The following SHANK2 variants were observed in gnomAD, a reference collection of about 807,000 sequenced individuals.
The protein encoded by SHANK2 is SH3 and multiple ankyrin repeat domains 2.
In SHANK2, 43 loss-of-function variants were observed where a neutral mutation model predicts 133.7. The observed-to-expected ratio is 0.32, with a 90% CI of 0.25 to 0.41. The LOEUF (loss-of-function observed/expected upper bound fraction) is 0.41, where lower values mean the gene tolerates loss of function less well. Ranked by LOEUF, SHANK2 falls within the 10% of genes least tolerant of loss-of-function variation. SHANK2 has a pLI of 1.00. For synonymous variants in SHANK2, 1,017 were observed against 952.8 expected (o/e 1.07, Z -1.24); for missense variants, 1,994 against 2,235.8 (o/e 0.89, Z 2.18).
chr11:70,869,883 G>A (rs1949431032), intron 11 of SHANK2, among the ~76,000 whole-genome samples: 1 of 152,138 alleles, frequency 6.6e-6, no homozygotes, highest in South Asian at 2.1e-4. Context: ...CACCAATTAT[G>A]TGAATGCCTC....
chr11:70,759,734 CAT>C (rs1267953503), intron 14 of SHANK2, among the ~76,000 whole-genome samples: 1 of 152,202 alleles, frequency 6.6e-6, no homozygotes, highest in Non-Finnish European at 1.5e-5. Context: ...TTCTGGCTGT[CAT>C]AGTGCTTTTC....
intron 12 of SHANK2, among the ~76,000 whole-genome samples, chr11:70,816,831 G>C (rs1590716581): frequency 2.0e-5 from 3 of 152,196 alleles, no homozygotes; most frequent in African/African-American, 7.2e-5. Context: ...GAAGCAGACA[G>C]CTCTAGCCAG....
intron 17 of SHANK2, among the ~76,000 whole-genome samples, chr11:70,563,818 G>C (rs1190040165): frequency 6.6e-6 from 1 of 152,134 alleles, no homozygotes; most frequent in African/African-American, 2.4e-5. Context: ...ATTCTTTATA[G>C]TGTACCTGCT....
chr11:71,214,000 G>A (rs1954345443), intron 2 of SHANK2, among the ~76,000 whole-genome samples: 1 of 152,006 alleles, frequency 6.6e-6, no homozygotes, highest in Non-Finnish European at 1.5e-5. Context: ...AACCACCCCT[G>A]CCCTAACGCG....
At chr11:70,644,130 G>C (rs942818276) in intron 17 of SHANK2, among the ~76,000 whole-genome samples, 19 of 152,136 alleles carry the variant, frequency 1.2e-4, no homozygotes, top group Admixed American at 5.2e-4. Context: ...AAAAAGTGAA[G>C]AACATTGCTT....
Position 70,486,464 on chromosome 11 carries a change from C to T in SHANK2, c.3829G>A (p.Glu1277Lys), listed in dbSNP as rs868919217. 1 of 1,614,154 alleles carries T rather than the reference C, an allele frequency of 6.2e-7. No homozygotes were observed. Among genetic ancestry groups the T allele is most frequent in the Non-Finnish European group, 8.5e-7 (1 of 1,180,034 alleles). ...QNTRGPLRRQ[E>K]TENKYETDLG... ...TCGGTCTCGTACTTGTTCTCCGTCTCCTGCCGCCTCAGGGGTCCCCGGGTG... is the reference window on the plus strand; with the variant it reads ...TCGGTCTCGTACTTGTTCTCCGTCTTCTGCCGCCTCAGGGGTCCCCGGGTG... The change falls in exon 25 of 26, where the codon GAG becomes AAG. Residue 1277 changes from glutamate to lysine, a missense_variant. Glu to Lys is a moderately conservative substitution (Grantham distance 56). Transcript: ENST00000601538. This position sits in a 1 kb window ranked among gnomAD's most constrained non-coding sequence, Gnocchi z 8.0.
intron 14 of SHANK2, among the ~76,000 whole-genome samples, chr11:70,717,749 C>T (rs547521335): frequency 9.2e-5 from 14 of 151,998 alleles, no homozygotes; most frequent in Admixed American, 3.9e-4. Context: ...CACTGCTCCT[C>T]GGGGTCTCCA....
At chr11:70,947,001 C>T (rs1421657160) in intron 10 of SHANK2, among the ~76,000 whole-genome samples, 12 of 151,826 alleles carry the variant, frequency 7.9e-5, no homozygotes, top group Non-Finnish European at 1.5e-4. Context: ...GCTCAACCTC[C>T]CTCTCCGCTA....
intron 11 of SHANK2, among the ~76,000 whole-genome samples, chr11:70,862,071 C>T (rs183418839): frequency 8.7e-4 from 132 of 152,208 alleles, no homozygotes; most frequent in South Asian, 2.9e-3. Context: ...TGGAGCCCAA[C>T]CTGGATGGAC....
At chr11:70,889,655 T>C (rs1310773273) in intron 11 of SHANK2, among the ~76,000 whole-genome samples, 1 of 152,140 alleles carries the variant, frequency 6.6e-6, no homozygotes, top group African/African-American at 2.4e-5. Context: ...GCGCTGGGCA[T>C]CTGCATTCCA....
intron 10 of SHANK2, among the ~76,000 whole-genome samples, chr11:70,918,651 G>A (rs782624708): frequency 1.1e-4 from 17 of 151,786 alleles, no homozygotes; most frequent in East Asian, 3.9e-4. Context: ...GACTACAGGC[G>A]CCCACAACTA....
At chr11:70,518,221 T>A (rs1479639369) in intron 17 of SHANK2, among the ~76,000 whole-genome samples, 1 of 152,166 alleles carries the variant, frequency 6.6e-6, no homozygotes, top group East Asian at 1.9e-4. Context: ...TGGCTCAGCA[T>A]GCTTTCTATG....
intron 17 of SHANK2, among the ~76,000 whole-genome samples, chr11:70,556,011 C>T (rs544285413): frequency 1.0e-3 from 158 of 152,258 alleles, no homozygotes; most frequent in African/African-American, 3.6e-3. Context: ...AATAAAAGTG[C>T]GAGGTGAAAC....
chr11:70,579,794 G>A (rs148680423), intron 17 of SHANK2, among the ~76,000 whole-genome samples: 5 of 152,362 alleles, frequency 3.3e-5, no homozygotes, highest in Middle Eastern at 3.4e-3. Context: ...GATGTTCAGC[G>A]TCATCACAAG....
intron 17 of SHANK2, chr11:70,604,218 G>A (rs1010812863): frequency 1.4e-4 from 21 of 152,314 alleles, no homozygotes; most frequent in Non-Finnish European, 1.3e-4. Flanking sequence ...TCTCACCCAT[G>A]GTGGGGCATT....
In SHANK2 at chr11:70,807,830, C is replaced by CA. The variant is rs569538762; in HGVS notation, c.1494-660dup. 0.018 allele frequency among the ~76,000 whole-genome samples: 2,483 copies of CA among 139,304 alleles called. 52 individuals are homozygous for CA. The highest frequency in any genetic ancestry group is 0.055 in the African/African-American group (2,084 of 38,170). 91.4% of individuals were successfully genotyped at this position (139,304 alleles called of 152,430 possible). ...GGGTGACAGAGTGAGACTCTGTCTC[C>CA]AAAAAAAAAAAGTAAACTGTGACAC... On this transcript the variant is annotated intron_variant, in intron 12 of 25. Transcript: ENST00000601538. The surrounding 1 kb of genome is among the most constrained non-coding windows in gnomAD (Gnocchi z 4.8).
At chr11:70,955,036 G>A (rs1330112524) in intron 10 of SHANK2, among the ~76,000 whole-genome samples, 1 of 152,222 alleles carries the variant, frequency 6.6e-6, no homozygotes, top group Non-Finnish European at 1.5e-5. Flanking sequence ...TCATCAGAAA[G>A]ACATCCACAT....
chr11:70,934,727 G>A (rs371086645), intron 10 of SHANK2, among the ~76,000 whole-genome samples: 38 of 152,334 alleles, frequency 2.5e-4, no homozygotes, highest in African/African-American at 9.1e-4. Context: ...ATATAGAAGA[G>A]GCGAATGGGA....
chr11:71,222,890 T>C (rs1171899788), intron 2 of SHANK2, among the ~76,000 whole-genome samples: 1 of 152,246 alleles, frequency 6.6e-6, no homozygotes, highest in Admixed American at 6.5e-5. Context: ...GGGACAAGTA[T>C]GCAGCATCGG....
Sources: gnomAD v4.1 joint callset for allele counts (sites outside exome capture counted in the v4.1 genomes callset) on GRCh38, gnomAD v4.1.1 for gene constraint, Gnocchi (gnomAD v3.1) non-coding constraint, MANE v1.5 for transcripts, NCBI Gene and HGNC (gene_info 2026-07-23, HGNC 2026-07-21) for gene names.